The following TRRAP variants were observed in gnomAD, a reference collection of about 807,000 sequenced individuals.
The protein encoded by TRRAP is transformation/transcription domain associated protein.
TRRAP carries 41 observed loss-of-function variants against 438.8 expected under a neutral mutation model. The ratio of observed to expected loss-of-function variants is 0.09; its 90% confidence interval spans 0.07 to 0.12. TRRAP has a LOEUF of 0.12. Ranked by LOEUF, TRRAP falls within the 10% of genes least tolerant of loss-of-function variation. The pLI is 1.00. For synonymous variants in TRRAP, 1,994 were observed against 1,962.9 expected (o/e 1.02, Z -0.42); for missense variants, 3,122 against 5,055.1 (o/e 0.62, Z 11.60).
chr7:98,886,771 G>A (rs1214827329), intron 3 of TRRAP, among the ~76,000 whole-genome samples: 3 of 152,142 alleles, frequency 2.0e-5, no homozygotes, highest in South Asian at 2.1e-4. Flanking sequence ...TATTAAATGG[G>A]CCATCTTTCA....
chr7:98,909,249 C>T (rs1421355203), intron 14 of TRRAP, among the ~76,000 whole-genome samples: 2 of 152,122 alleles, frequency 1.3e-5, no homozygotes, highest in Admixed American at 6.6e-5. Context: ...GTCTCGAACT[C>T]CTGGCCTCAA....
chr7:98,916,727 C>T (rs947666302), intron 19 of TRRAP, among the ~76,000 whole-genome samples: 13 of 152,126 alleles, frequency 8.5e-5, no homozygotes, highest in African/African-American at 1.2e-4. Context: ...AAGGGGTGTT[C>T]CTCCCTCCCG....
At chr7:99,002,875 G>A (rs1340164365) in intron 67 of TRRAP, among the ~76,000 whole-genome samples, 4 of 152,220 alleles carry the variant, frequency 2.6e-5, no homozygotes, top group African/African-American at 9.6e-5. Context: ...TTGAATAGCT[G>A]GGTGTTATGC....
In TRRAP at chr7:98,899,696, C is replaced by T. The variant is rs1554406330; in HGVS notation, c.729C>T (p.Ile243=). ...VLMYQLYKLN[I]HNVVAEFVPL... ...GCTTTTAGCTCTACAAACTGAACATCCACAATGTTGTTGCTGAGTTTGTGC... is the reference window on the plus strand; with the variant it reads ...GCTTTTAGCTCTACAAACTGAACATTCACAATGTTGTTGCTGAGTTTGTGC... The change falls in exon 10 of 73, where the codon ATC becomes ATT. Residue 243 remains isoleucine, a synonymous_variant. Coordinates refer to ENST00000456197, the MANE Select transcript of TRRAP (RefSeq NM_001375524.1). The T allele has an allele frequency of 6.2e-7, 1 of 1,614,150 alleles. No individual in the cohort carries two copies. The highest frequency in any genetic ancestry group is 1.7e-5 in the Admixed American group (1 of 60,018).
Position 98,981,874 on chromosome 7 carries a change from C to T in TRRAP, c.8740C>T (p.Leu2914=), listed in dbSNP as rs1311520736. 22 of 1,609,452 alleles carry T rather than the reference C, an allele frequency of 1.4e-5. No individual in the cohort carries two copies. The highest frequency in any genetic ancestry group is 1.6e-5 in the Non-Finnish European group (19 of 1,178,672). ...GCAGCAGCTCAGCTTCATCGAGCGC[C>T]TGGTGGAGATGGCCAGCAGCCTGGC... ...EEQQLSFIER[L]VEMASSLAIR... The change falls in exon 59 of 73, where the codon CTG becomes TTG. Residue 2914 remains leucine (L), a synonymous_variant. Transcript: ENST00000456197.
rs552983013 is a variant in TRRAP at position 98,957,095 on chromosome 7, A to G, written c.6231+562A>G. Among the ~76,000 whole-genome samples the G allele has an allele frequency of 3.9e-5, 6 of 152,182 alleles. No homozygotes were observed. The South Asian group carries it at 8.3e-4, about 21-fold the overall frequency. On this transcript the variant is annotated intron_variant, in intron 43 of 72. Coordinates refer to ENST00000456197, the MANE Select transcript of TRRAP (RefSeq NM_001375524.1). ...GCACCCATGTCTGCCCTCGGCTTCT[A>G]TTAGAAACCTGGCACTGTCTGCACT...
chr7:98,911,986 G>C, intron 17 of TRRAP, 36 bp from the exon 18 acceptor site: 1 of 1,582,538 alleles, frequency 6.3e-7, no homozygotes, highest in Non-Finnish European at 8.6e-7. Flanking sequence ...TTTGGGGAAG[G>C]GATTAATTTT....
chr7:98,953,531 C>T, intron 40 of TRRAP, 98 bp downstream of exon 40: 1 of 1,495,662 alleles, frequency 6.7e-7, no homozygotes, highest in East Asian at 2.3e-5. Context: ...GTTGTCTTCT[C>T]CCAAAACCAA....
At chr7:98,980,989 G>C (rs753850377) in intron 58 of TRRAP, among the ~76,000 whole-genome samples, 3 of 152,218 alleles carry the variant, frequency 2.0e-5, no homozygotes, top group African/African-American at 4.8e-5. Context: ...TGGAGGGGCT[G>C]TAGTGTGCTA....
chr7:98,978,998 T>C, intron 58 of TRRAP, 94 bp downstream of exon 58: 1 of 1,525,062 alleles, frequency 6.6e-7, no homozygotes, highest in Non-Finnish European at 8.9e-7. Flanking sequence ...AACAAGCATT[T>C]TGGCAGTGGA....
chr7:98,899,496 T>C lies in TRRAP; in HGVS notation c.708T>C (p.Tyr236=). 1 of 1,614,180 alleles carries C rather than the reference T, an allele frequency of 6.2e-7. No individual in the cohort carries two copies. The highest frequency in any genetic ancestry group is 8.5e-7 in the Non-Finnish European group (1 of 1,180,002). ...AELPIIVVLM[Y]QLYKLNIHNV... is the part of the protein sequence containing the mutation. ...TGCCCATTATTGTTGTTTTAATGTA[T>C]CAGGTATGTGTATTGCTCATTAGTC... Residue 236 remains tyrosine (Y), a synonymous_variant, in exon 9 of 73, where the codon TAT becomes TAC. Transcript: ENST00000456197.
At chr7:98,898,251 G>A (rs1247722956) in intron 8 of TRRAP, among the ~76,000 whole-genome samples, 1 of 152,218 alleles carries the variant, frequency 6.6e-6, no homozygotes, top group Non-Finnish European at 1.5e-5. Context: ...CCAGTACAAT[G>A]TCCTGGCCCC....
intron 21 of TRRAP, among the ~76,000 whole-genome samples, chr7:98,924,800 G>A (rs371007471): frequency 6.0e-5 from 9 of 150,550 alleles, no homozygotes; most frequent in Admixed American, 3.3e-4. Context: ...TCAGGAGATC[G>A]AGACCATCCT....
chr7:98,969,992 C>A, intron 51 of TRRAP, 120 bp from the exon 52 acceptor site: 2 of 1,215,896 alleles, frequency 1.6e-6, no homozygotes, highest in Non-Finnish European at 2.3e-6. Flanking sequence ...GGGTGCTGAG[C>A]TCATACTTGG....
At chr7:98,968,966 T>C (rs941094780) in intron 51 of TRRAP, among the ~76,000 whole-genome samples, 2 of 152,174 alleles carry the variant, frequency 1.3e-5, no homozygotes, top group African/African-American at 2.4e-5. Context: ...GGCAGGTCCA[T>C]GTGAATCGGT....
At chr7:99,003,890 C>A (rs774036636) in intron 67 of TRRAP, among the ~76,000 whole-genome samples, 1 of 152,088 alleles carries the variant, frequency 6.6e-6, no homozygotes, top group Non-Finnish European at 1.5e-5. Context: ...ATGGTGAAAC[C>A]CTGTCTCTAC....
chr7:98,917,494 G>A lies in TRRAP; in HGVS notation c.2437G>A (p.Val813Ile). 6.2e-7 allele frequency: 1 copy of A among 1,614,156 alleles called. No homozygotes were observed. The highest frequency in any genetic ancestry group is 8.5e-7 in the Non-Finnish European group (1 of 1,180,024). The stretch of plus-strand genomic sequence containing the variant: ...CCTCTTTGTGGAGCTGTGTCTCACC[G>A]TCCCTGTGCGGCTGAGCTCGCTTTT... ...KDLFVELCLT[V>I]PVRLSSLLPY... Residue 813 changes from valine to isoleucine, a missense_variant, in exon 20 of 73, where the codon GTC becomes ATC. Val to Ile is a conservative substitution (Grantham distance 29, BLOSUM62 3). Coordinates refer to ENST00000456197, the MANE Select transcript of TRRAP (RefSeq NM_001375524.1).
rs1554419788 is a variant in TRRAP at position 98,956,361 on chromosome 7, A to C, written c.6097-38A>C. ...CGTCTTCCTTTGACTTCTCCCTAGA[A>C]ATCAGTCAGTAAAACCAAGCGCCTG... is the stretch of plus-strand genomic sequence containing the variant. On this transcript the variant is annotated intron_variant, in intron 42 of 72. Coordinates refer to ENST00000456197, the MANE Select transcript of TRRAP (RefSeq NM_001375524.1). This position sits in a 1 kb window ranked among gnomAD's most constrained non-coding sequence, Gnocchi z 4.5. The C allele has an allele frequency of 1.9e-6, 3 of 1,613,324 alleles. No individual in the cohort carries two copies. Among genetic ancestry groups the C allele is most frequent in the Admixed American group, 3.3e-5 (2 of 59,920 alleles).
At chr7:98,984,398 TTGAGGCCAGGTGGAGAA>T (rs925452242) in intron 61 of TRRAP, 40 bp downstream of exon 61, 2 of 1,492,040 alleles carry the variant, frequency 1.3e-6, no homozygotes, top group African/African-American at 1.4e-5. Flanking sequence ...CAGGTGGAGA[TTGAGGCCAGGTGGAGAA>T]TGAGGCAATG....
Sources: allele counts gnomAD v4.1 joint callset (sites outside exome capture counted in the v4.1 genomes callset), GRCh38; gene constraint gnomAD v4.1.1; non-coding constraint Gnocchi (gnomAD v3.1); transcripts MANE v1.5; gene names NCBI Gene and HGNC (gene_info 2026-07-23, HGNC 2026-07-21).